Variants in AQP11 observed in about 807,000 individuals in gnomAD.
The protein encoded by AQP11 is aquaporin 11, also known as aquaporin-11.
Under a neutral mutation model 21.1 loss-of-function variants are expected in AQP11, and 20 were observed. The ratio of observed to expected loss-of-function variants is 0.95; its 90% confidence interval spans 0.67 to 1.38. AQP11 has a LOEUF of 1.38. Ranked by LOEUF, AQP11 falls within the 40% of genes most tolerant of loss-of-function variation. The probability of loss-of-function intolerance (pLI) is 0.00; values close to 1 mark genes in which losing one functional copy is unlikely to be tolerated. For missense variants in AQP11, 339 were observed against 340.4 expected, an observed-to-expected ratio of 1.00 and a Z score of 0.03; for synonymous variants, 167 against 150.1, an observed-to-expected ratio of 1.11 and a Z score of -0.82.
intron 2 of AQP11, among the ~76,000 whole-genome samples, chr11:77,604,894 A>G (rs1958835019): frequency 6.6e-6 from 1 of 152,198 alleles, no homozygotes; most frequent in Admixed American, 6.5e-5. Flanking sequence ...CTTTAAAGAA[A>G]AATTTTCTCT....
At chr11:77,594,181 A>T (rs1180432846) in intron 1 of AQP11, among the ~76,000 whole-genome samples, 1 of 152,202 alleles carries the variant, frequency 6.6e-6, no homozygotes, top group African/African-American at 2.4e-5. Context: ...TGACTTATAC[A>T]CTTAAAAATG....
At position 77,609,433 on chromosome 11, in the gene AQP11, T is replaced by TC; in HGVS notation, c.*56_*57insC. 3 of 1,356,354 alleles carry TC rather than the reference T, an allele frequency of 2.2e-6. No homozygotes were observed. Among genetic ancestry groups the TC allele is most frequent in the Non-Finnish European group, 3.1e-6 (3 of 976,176 alleles). The allele number at this position is 1,356,354 out of a possible 1,614,324, so 84.0% of individuals were successfully genotyped here. On this transcript the variant is annotated 3_prime_UTR_variant, in exon 3 of 3. Transcript: ENST00000313578. ...ACAGTCCAGCTGGATGTGATAAAGATTTTATCACCTCATATGGAAAACACC... is the reference window on the plus strand; with the variant it reads ...ACAGTCCAGCTGGATGTGATAAAGATCTTTATCACCTCATATGGAAAACACC...
Position 77,609,620 on chromosome 11 carries a change from TCATTA to T in AQP11, c.*249_*253del, listed in dbSNP as rs1193269188. On this transcript the variant is annotated 3_prime_UTR_variant, in exon 3 of 3. Transcript: ENST00000313578. ...TGTATTAAATGCTGCTAGAAAAGCC[TCATTA>T]CATTAAATATAAATCAATCTTAAAT... The T allele has an allele frequency of 3.0e-6, 1 of 334,196 alleles. No individual in the cohort carries two copies. Among genetic ancestry groups the T allele is most frequent in the African/African-American group, 2.1e-5 (1 of 47,286 alleles). The allele number at this position is 334,196 out of a possible 1,614,324, so 20.7% of individuals were successfully genotyped here.
intron 1 of AQP11, among the ~76,000 whole-genome samples, chr11:77,597,166 G>A (rs1213147144): frequency 2.6e-5 from 4 of 151,948 alleles, no homozygotes; most frequent in Non-Finnish European, 4.4e-5. Context: ...CTTTTATAAC[G>A]AAATTTGTCC....
At chr11:77,597,491 G>A (rs780319493) in intron 1 of AQP11, among the ~76,000 whole-genome samples, 11 of 152,154 alleles carry the variant, frequency 7.2e-5, no homozygotes, top group Non-Finnish European at 1.5e-4. Context: ...AGAATCGCTT[G>A]AACCCAGGAG....
At chr11:77,593,597 A>G (rs1390304746) in intron 1 of AQP11, among the ~76,000 whole-genome samples, 1 of 151,890 alleles carries the variant, frequency 6.6e-6, no homozygotes, top group African/African-American at 2.4e-5. Flanking sequence ...AGATCGAGTC[A>G]TTGCACTCCA....
rs199692856 is a variant in AQP11, at chr11:77,591,715, C to CA, written c.619+1112dup. On this transcript the variant is annotated intron_variant, in intron 1 of 2. Coordinates refer to ENST00000313578, the MANE Select transcript of AQP11 (RefSeq NM_173039.3). ...TGAAACCCCGTCTCTACTAAAAATACAAAAAAAATTTAGCCAGGCATGGTG... is the reference window on the plus strand; with the variant it reads ...TGAAACCCCGTCTCTACTAAAAATACAAAAAAAAATTTAGCCAGGCATGGTG... Among the ~76,000 whole-genome samples, 604 of 151,874 alleles carry CA rather than the reference C, an allele frequency of 4.0e-3. 5 individuals are homozygous for CA. The highest frequency in any genetic ancestry group is 0.012 in the African/African-American group (486 of 41,456).
intron 1 of AQP11, among the ~76,000 whole-genome samples, chr11:77,602,128 G>C (rs1958818829): frequency 6.6e-6 from 1 of 152,228 alleles, no homozygotes; most frequent in African/African-American, 2.4e-5. Context: ...AGATTAGGAA[G>C]TGAAGTCGTT....
chr11:77,604,623 C>T (rs1046687317), intron 2 of AQP11, among the ~76,000 whole-genome samples: 1 of 152,122 alleles, frequency 6.6e-6, no homozygotes, highest in African/African-American at 2.4e-5. Context: ...CACACACATA[C>T]ACAGAAGGTA....
chr11:77,596,545 T>TGTAA (rs1330330307), intron 1 of AQP11, among the ~76,000 whole-genome samples: 7 of 123,764 alleles, frequency 5.7e-5, no homozygotes, highest in African/African-American at 1.7e-4. Flanking sequence ...TAAATATATA[T>TGTAA]ATATATATAT....
chr11:77,601,344 CTTTT>C (rs36104720), intron 1 of AQP11, among the ~76,000 whole-genome samples: 112 of 129,394 alleles, frequency 8.7e-4, no homozygotes, highest in Non-Finnish European at 1.0e-3. Flanking sequence ...CCATTCAAAA[CTTTT>C]TTTTTTTTTT....
In AQP11 at chr11:77,590,190, G is replaced by T; in HGVS notation, c.198G>T (p.Leu66=). 1 of 1,599,606 alleles carries T rather than the reference G, an allele frequency of 6.3e-7. No homozygotes were observed. The highest frequency in any genetic ancestry group is 8.5e-7 in the Non-Finnish European group (1 of 1,174,402). ...GCTGCTGCACCCACGAGCTGCAACTGCTGAGCGAACAGCACCCCGCGCACC... is the reference window on the plus strand; with the variant it reads ...GCTGCTGCACCCACGAGCTGCAACTTCTGAGCGAACAGCACCCCGCGCACC... ...QLCCCTHELQ[L]LSEQHPAHPT... is the part of the protein sequence containing the mutation. The change falls in exon 1 of 3, where the codon CTG becomes CTT. Residue 66 remains leucine, a synonymous_variant. Coordinates refer to ENST00000313578, the MANE Select transcript of AQP11 (RefSeq NM_173039.3).
At chr11:77,592,855 T>A (rs961486578) in intron 1 of AQP11, among the ~76,000 whole-genome samples, 1 of 152,176 alleles carries the variant, frequency 6.6e-6, no homozygotes, top group African/African-American at 2.4e-5. Context: ...TAAAATCACC[T>A]GGGGAGCTCT....
At chr11:77,603,327 T>C (rs573821988) in intron 1 of AQP11, among the ~76,000 whole-genome samples, 9 of 152,322 alleles carry the variant, frequency 5.9e-5, no homozygotes, top group African/African-American at 1.9e-4. Flanking sequence ...TTATAGTCTA[T>C]AGGAAAAGCA....
intron 2 of AQP11, among the ~76,000 whole-genome samples, chr11:77,605,941 G>A (rs2135751433): frequency 6.6e-6 from 1 of 151,516 alleles, no homozygotes; most frequent in South Asian, 2.1e-4. Context: ...TACTCAGGAG[G>A]CTGAGGCAGG....
chr11:77,601,198 C>T (rs545340065), intron 1 of AQP11, among the ~76,000 whole-genome samples: 3 of 152,086 alleles, frequency 2.0e-5, no homozygotes, highest in Non-Finnish European at 4.4e-5. Context: ...AAGCATGCTG[C>T]GGTGCACAGG....
At chr11:77,604,642 G>C (rs927135412) in intron 2 of AQP11, among the ~76,000 whole-genome samples, 1 of 152,102 alleles carries the variant, frequency 6.6e-6, no homozygotes, top group Admixed American at 6.6e-5. Context: ...TAACACAGAA[G>C]GGAAGTGCCA....
chr11:77,594,512 C>G (rs960885836), intron 1 of AQP11, among the ~76,000 whole-genome samples: 27 of 152,294 alleles, frequency 1.8e-4, no homozygotes, highest in Admixed American at 7.2e-4. Flanking sequence ...AACTTTGGAA[C>G]AGAGTTGTTA....
rs1379489721 is a variant in AQP11, at chr11:77,599,024, G to T, written c.620-4532G>T. The stretch of plus-strand genomic sequence containing the variant: ...AGCCTCCCGAGTAGCTGGGATTACA[G>T]GCATGCAGCACCACGCCTGGTTAAT... On this transcript the variant is annotated intron_variant, in intron 1 of 2. Transcript: ENST00000313578. Among the ~76,000 whole-genome samples, 3 of 152,132 alleles carry T rather than the reference G, an allele frequency of 2.0e-5. No individual in the cohort carries two copies. In the East Asian group the frequency reaches 5.8e-4, roughly 29 times the overall value.
Sources: gnomAD v4.1 joint callset for allele counts (sites outside exome capture counted in the v4.1 genomes callset) on GRCh38, gnomAD v4.1.1 for gene constraint, MANE v1.5 for transcripts, NCBI Gene and HGNC (gene_info 2026-07-23, HGNC 2026-07-21) for gene names.